Variants in LIPI observed in about 807,000 individuals in gnomAD.
The protein encoded by LIPI is lipase member I.
Under a neutral mutation model 50.6 loss-of-function variants are expected in LIPI, and 59 were observed. The ratio of observed to expected loss-of-function variants is 1.16; its 90% CI spans 0.94 to 1.45. The LOEUF is 1.45. Ranked by LOEUF, LIPI falls within the 40% of genes most tolerant of loss-of-function variation. The pLI is 0.00. For synonymous variants in LIPI, 203 were observed against 178.2 expected (o/e 1.14, Z -1.11); for missense variants, 586 against 536.3 (o/e 1.09, Z -0.92).
intron 4 of LIPI, among the ~76,000 whole-genome samples, chr21:14,177,611 C>T (rs566986482): frequency 6.6e-6 from 1 of 152,136 alleles, no homozygotes; most frequent in East Asian, 1.9e-4. Context: ...AACATGAATA[C>T]TATACTTATG....
intron 7 of LIPI, among the ~76,000 whole-genome samples, chr21:14,159,833 T>C (rs548327984): frequency 2.0e-5 from 3 of 151,534 alleles, no homozygotes; most frequent in African/African-American, 7.2e-5. Flanking sequence ...ATCTCATTAC[T>C]ATATACCAAC....
At chr21:14,150,940 T>C (rs1417277474) in intron 8 of LIPI, among the ~76,000 whole-genome samples, 1 of 152,218 alleles carries the variant, frequency 6.6e-6, no homozygotes, top group Admixed American at 6.5e-5. Context: ...GACTGTTAAA[T>C]CATCTGCAAT....
At chr21:14,168,569 G>C (rs932180363) in intron 4 of LIPI, among the ~76,000 whole-genome samples, 10 of 152,178 alleles carry the variant, frequency 6.6e-5, no homozygotes, top group African/African-American at 2.4e-4. Flanking sequence ...TCAACATTCT[G>C]AAAGGAAAGA....
In LIPI at chr21:14,166,585, T is replaced by C. The variant is rs140346827; in HGVS notation, c.644-134A>G. ...GAATTGAAAATAAGTGCTGTTTTTA[T>C]AAAGATAAGTTTTTCTTCTATAATT... On this transcript the variant is annotated intron_variant, in intron 4 of 9. Transcript: ENST00000681601. 1,656 of 655,422 alleles carry C rather than the reference T, an allele frequency of 2.5e-3. 3 individuals carry two copies. Among genetic ancestry groups the C allele is most frequent in the Middle Eastern group, 4.9e-3 (18 of 3,676 alleles). The allele number at this position is 655,422 out of a possible 1,614,324, so 40.6% of individuals were successfully genotyped here.
chr21:14,128,643 G>C (rs1170669049), intron 9 of LIPI, among the ~76,000 whole-genome samples: 1 of 151,600 alleles, frequency 6.6e-6, no homozygotes, highest in Non-Finnish European at 1.5e-5. Context: ...AATAGTCAAA[G>C]AAATCATCAA....
chr21:14,201,123 A>G (rs796587141), intron 1 of LIPI, among the ~76,000 whole-genome samples: 2 of 152,290 alleles, frequency 1.3e-5, no homozygotes, highest in African/African-American at 4.8e-5. Context: ...GAGGGATTAA[A>G]AACATAAAAT....
At chr21:14,189,948 T>C (rs1457167198) in intron 1 of LIPI, among the ~76,000 whole-genome samples, 1 of 152,146 alleles carries the variant, frequency 6.6e-6, no homozygotes, top group Non-Finnish European at 1.5e-5. Flanking sequence ...CAACATTCCT[T>C]TGAAATTTTG....
At chr21:14,125,937 C>T (rs1043471799) in intron 9 of LIPI, among the ~76,000 whole-genome samples, 2 of 151,920 alleles carry the variant, frequency 1.3e-5, no homozygotes, top group African/African-American at 2.4e-5. Flanking sequence ...TGGCAGAGAT[C>T]ATCATCATTT....
At chr21:14,114,847 G>A (rs1441318024) in intron 9 of LIPI, among the ~76,000 whole-genome samples, 1 of 152,128 alleles carries the variant, frequency 6.6e-6, no homozygotes, top group Non-Finnish European at 1.5e-5. Flanking sequence ...CAAAATCAGT[G>A]ACAAAGAGAA....
Position 14,128,208 on chromosome 21 carries a change from A to G in LIPI, c.1295+16415T>C, listed in dbSNP as rs962963840. Among the ~76,000 whole-genome samples the G allele has an allele frequency of 1.2e-4, 19 of 152,226 alleles. 2 individuals carry two copies. Among genetic ancestry groups the G allele is most frequent in the South Asian group, 1.2e-3 (6 of 4,830 alleles). The stretch of plus-strand genomic sequence containing the variant: ...ACATATGTGTTTATGAGTAAATATA[A>G]CAAAATATTAACAATTACTATCTCA... On this transcript the variant is annotated intron_variant, in intron 9 of 9. Coordinates refer to ENST00000681601, the MANE Select transcript of LIPI (RefSeq NM_001302998.2).
intron 4 of LIPI, among the ~76,000 whole-genome samples, chr21:14,181,346 G>T (rs1334619570): frequency 2.6e-5 from 4 of 152,138 alleles, no homozygotes; most frequent in African/African-American, 9.7e-5. Flanking sequence ...ATTTGTGGCT[G>T]AAATGCTGTG....
chr21:14,164,934 G>A lies in LIPI; in HGVS notation c.901+289C>T, dbSNP rs145006147. Among the ~76,000 whole-genome samples, 559 of 152,236 alleles carry A rather than the reference G, an allele frequency of 3.7e-3. 3 individuals carry two copies. Among genetic ancestry groups the A allele is most frequent in the African/African-American group, 0.013 (540 of 41,550 alleles). The stretch of plus-strand genomic sequence containing the variant: ...TGAAAATATAGTTGGATGATAGTTA[G>A]ATATTTTTGTACATCAGGAACAAGA... On this transcript the variant is annotated intron_variant, in intron 6 of 9. Coordinates refer to ENST00000681601, the MANE Select transcript of LIPI (RefSeq NM_001302998.2).
chr21:14,178,721 T>C (rs2019174536), intron 4 of LIPI, among the ~76,000 whole-genome samples: 1 of 152,216 alleles, frequency 6.6e-6, no homozygotes, highest in Non-Finnish European at 1.5e-5. Flanking sequence ...ATGGGTGTTG[T>C]CTATTGACTG....
At chr21:14,142,142 G>T (rs931881851) in intron 9 of LIPI, among the ~76,000 whole-genome samples, 5 of 152,022 alleles carry the variant, frequency 3.3e-5, no homozygotes, top group African/African-American at 1.2e-4. Flanking sequence ...TGGAGGCTTT[G>T]CATCTTCAAA....
intron 9 of LIPI, among the ~76,000 whole-genome samples, chr21:14,127,979 T>C (rs2017132285): frequency 6.6e-6 from 1 of 152,016 alleles, no homozygotes; most frequent in Admixed American, 6.5e-5. Context: ...CCACAAAAGA[T>C]AGAATACAAA....
intron 4 of LIPI, among the ~76,000 whole-genome samples, chr21:14,180,221 T>C (rs2019226778): frequency 6.6e-6 from 1 of 152,156 alleles, no homozygotes; most frequent in Admixed American, 6.5e-5. Context: ...ACCCTGTTTT[T>C]TGTTGTTTAA....
rs751340581 is a variant in LIPI at position 14,181,842 on chromosome 21, G to T, written c.559C>A (p.Pro187Thr). 39 of 1,608,622 alleles carry T rather than the reference G, an allele frequency of 2.4e-5. No individual in the cohort carries two copies. In the Admixed American group the frequency reaches 6.5e-4, roughly 27 times the overall value. ...TATGGTGGTTTTCTGGAGAACCTTG[G>T]CCCAGCAGGGTCAAGACCTGGAAAG... is the stretch of plus-strand genomic sequence containing the variant. The part of the protein sequence containing the change: ...GRITGLDPAG[P>T]RFSRKPPYSR... Residue 187 changes from proline (P) to threonine (T), a missense_variant, in exon 4 of 10, where the codon CCA becomes ACA. Transcript: ENST00000681601.
intron 9 of LIPI, among the ~76,000 whole-genome samples, chr21:14,138,686 T>G (rs1367296596): frequency 6.6e-6 from 1 of 152,102 alleles, no homozygotes; most frequent in Non-Finnish European, 1.5e-5. Flanking sequence ...TGCATAACAT[T>G]TAATATTACA....
At chr21:14,191,186 G>A (rs927511832) in intron 1 of LIPI, among the ~76,000 whole-genome samples, 3 of 151,756 alleles carry the variant, frequency 2.0e-5, no homozygotes, top group Admixed American at 6.6e-5. Context: ...AGACCATCCC[G>A]GCTAAAACGG....
Sources: allele counts gnomAD v4.1 joint callset (sites outside exome capture counted in the v4.1 genomes callset), GRCh38; gene constraint gnomAD v4.1.1; transcripts MANE v1.5; gene names NCBI Gene and HGNC (gene_info 2026-07-23, HGNC 2026-07-21).